CUX1: variants seen among roughly 807,000 people sequenced by gnomAD.
CUX1 encodes the protein protein CASP.
Under a neutral mutation model 158.8 loss-of-function variants are expected in CUX1, and 31 were observed. The ratio of observed to expected loss-of-function variants is 0.20; its 90% CI spans 0.15 to 0.26. CUX1 has a LOEUF of 0.26. CUX1 is among the 10% of genes least tolerant of loss of function. The pLI is 1.00. For synonymous variants in CUX1, 879 were observed against 862.1 expected, an observed-to-expected ratio of 1.02 and a Z score of -0.34; for missense variants, 1,589 against 2,014.6, an observed-to-expected ratio of 0.79 and a Z score of 4.04.
At chr7:102,020,398 A>G (rs1390231722) in intron 2 of CUX1, among the ~76,000 whole-genome samples, 1 of 152,232 alleles carries the variant, frequency 6.6e-6, no homozygotes, top group Non-Finnish European at 1.5e-5. Flanking sequence ...TGAGGTCTAC[A>G]GTCCACATAT....
intron 2 of CUX1, among the ~76,000 whole-genome samples, chr7:102,002,922 G>T (rs1816865344): frequency 6.6e-6 from 1 of 151,450 alleles, no homozygotes; most frequent in Non-Finnish European, 1.5e-5. Flanking sequence ...TATTTTTTTT[G>T]ATGGAGTCTT....
At chr7:102,047,221 C>T (rs116234225) in intron 3 of CUX1, among the ~76,000 whole-genome samples, 5 of 152,136 alleles carry the variant, frequency 3.3e-5, no homozygotes, top group African/African-American at 9.6e-5. Flanking sequence ...CAGTGCTTGG[C>T]GCTCTGTTAA....
chr7:102,237,751 C>T (rs886819907), intron 22 of CUX1, among the ~76,000 whole-genome samples: 1 of 152,154 alleles, frequency 6.6e-6, no homozygotes, highest in East Asian at 1.9e-4. Flanking sequence ...CAGCTGGGCC[C>T]GGGGAACCAC....
intron 3 of CUX1, among the ~76,000 whole-genome samples, chr7:102,040,914 A>G (rs549120109): frequency 6.6e-6 from 1 of 152,200 alleles, no homozygotes; most frequent in Non-Finnish European, 1.5e-5. Flanking sequence ...ACCTCATGAG[A>G]CTCACTGGAG....
At chr7:101,860,735 C>CCCTCCCTTCCTTCCTT (rs1391687312) in intron 1 of CUX1, among the ~76,000 whole-genome samples, 9 of 90,514 alleles carry the variant, frequency 9.9e-5, no homozygotes, top group African/African-American at 3.4e-4. Flanking sequence ...TCCCCTTCCT[C>CCCTCCCTTCCTTCCTT]CCTTCCTTCC....
At chr7:102,052,799 TA>T (rs1355693558) in intron 3 of CUX1, among the ~76,000 whole-genome samples, 8 of 152,164 alleles carry the variant, frequency 5.3e-5, no homozygotes, top group African/African-American at 1.9e-4. Flanking sequence ...ACATCCTTTC[TA>T]ACACTTAGTA....
At position 101,817,797 on chromosome 7, in the gene CUX1, G is replaced by A. The variant is rs892480025; in HGVS notation, c.30+128G>A. 2.8e-6 allele frequency: 3 copies of A among 1,082,588 alleles called. No homozygotes were observed. The Admixed American group carries it at 8.2e-5, about 30-fold the overall frequency. The allele number at this position is 1,082,588 out of a possible 1,614,324, so 67.1% of individuals were successfully genotyped here. A position where few individuals can be genotyped will look rare whatever the true frequency, so the allele number is the denominator to read the frequency against. On this transcript the variant is annotated intron_variant, in intron 1 of 23. Transcript: ENST00000292535. This position sits in a 1 kb window ranked among gnomAD's most constrained non-coding sequence, Gnocchi z 4.1. Reference sequence around the variant, plus strand: ...CCTGGTGCTCTGGGAGGGGATAGGAGGGTTCCTCAGGGCCCCTGGGGAACT... The same window carrying A: ...CCTGGTGCTCTGGGAGGGGATAGGAAGGTTCCTCAGGGCCCCTGGGGAACT...
chr7:102,026,538 G>T (rs4729768), intron 2 of CUX1, among the ~76,000 whole-genome samples: 65,895 of 151,796 alleles, frequency 0.43, 15,875 homozygotes, highest in East Asian at 0.96. Flanking sequence ...CTAAAATGTA[G>T]GCCTAGCCCG....
intron 14 of CUX1, among the ~76,000 whole-genome samples, chr7:102,271,093 C>T (rs1381106559): frequency 6.6e-6 from 1 of 152,148 alleles, no homozygotes; most frequent in East Asian, 1.9e-4. Context: ...TTTATCCACC[C>T]CTCTTGCCAG....
chr7:101,899,945 T>A (rs987972710), intron 1 of CUX1, among the ~76,000 whole-genome samples: 1 of 152,202 alleles, frequency 6.6e-6, no homozygotes, highest in South Asian at 2.1e-4. Flanking sequence ...GTAATTGTGC[T>A]TCTTAATTGT....
rs540806732 is a variant in CUX1, at chr7:102,147,679, C to A, written c.675-10881C>A. ...GGCTGTCTGTCAAGAAGACAGGGGA[C>A]CTCAGGTATCACAGGTGTCATTAAT... On this transcript the variant is annotated intron_variant, in intron 8 of 23. Transcript: ENST00000292535. 3.3e-5 allele frequency among the ~76,000 whole-genome samples: 5 copies of A among 152,260 alleles called. No individual in the cohort carries two copies. In the South Asian group the frequency reaches 1.0e-3, roughly 32 times the overall value.
In CUX1 at chr7:101,905,908, G is replaced by A. The variant is rs576247937; in HGVS notation, c.31-10207G>A. Among the ~76,000 whole-genome samples, 5 of 151,762 alleles carry A rather than the reference G, an allele frequency of 3.3e-5. 1 individual carries two copies. The South Asian group carries it at 6.2e-4, about 19-fold the overall frequency. On this transcript the variant is annotated intron_variant, in intron 1 of 23. Transcript: ENST00000292535. ...TTGCTCTGTCGCCCAGGCTGGGCTC[G>A]AACTTCTGGCCTGAAGTGATCCTCC...
intron 4 of CUX1, among the ~76,000 whole-genome samples, chr7:102,081,063 G>A (rs1554478586): frequency 6.6e-6 from 1 of 152,128 alleles, no homozygotes. Flanking sequence ...AACTCCCCTG[G>A]GAGGTGACTG....
chr7:102,147,804 C>G (rs1835184000), intron 8 of CUX1, among the ~76,000 whole-genome samples: 1 of 151,970 alleles, frequency 6.6e-6, no homozygotes. Context: ...CGAGACCAGC[C>G]TGGCCAACAT....
chr7:101,830,503 A>T (rs1164351709), intron 1 of CUX1, among the ~76,000 whole-genome samples: 1 of 152,148 alleles, frequency 6.6e-6, no homozygotes, highest in Non-Finnish European at 1.5e-5. Context: ...TCTGTTGTGG[A>T]CTGCAGTGGT....
rs1185429655 is a variant in CUX1 at position 102,255,119 on chromosome 7, G to GT, written c.*6078dup. The GT allele has an allele frequency of 2.0e-6, 2 of 985,236 alleles. No homozygotes were observed. The highest frequency in any genetic ancestry group is 6.2e-5 in the Admixed American group (1 of 16,260). 61.0% of individuals were successfully genotyped at this position (985,236 alleles called of 1,614,324 possible). A position where few individuals can be genotyped will look rare whatever the true frequency, so the allele number is the denominator to read the frequency against. On this transcript the variant is annotated 3_prime_UTR_variant, in exon 24 of 24. Coordinates refer to ENST00000292535, the MANE Select transcript of CUX1 (RefSeq NM_181552.4). ...CCAATCCCAGAGGCCCCGGCGGCCT[G>GT]TGCTCCTCACCACCCTGGTCAGGGG...
At chr7:101,880,092 G>T (rs927499119) in intron 1 of CUX1, among the ~76,000 whole-genome samples, 2 of 151,924 alleles carry the variant, frequency 1.3e-5, no homozygotes, top group Non-Finnish European at 2.9e-5. Flanking sequence ...TTTTAAAAAG[G>T]CTGTTTTTTT....
chr7:102,189,397 A>T (rs143993102), intron 11 of CUX1, among the ~76,000 whole-genome samples: 3,174 of 56,980 alleles, frequency 0.056, 37 homozygotes, highest in Middle Eastern at 0.09. Flanking sequence ...TTTTTTTTTA[A>T]AAAAAAAAGA....
chr7:102,180,355 G>C (rs28485359), intron 11 of CUX1, among the ~76,000 whole-genome samples: 72,868 of 142,820 alleles, frequency 0.51, 20,213 homozygotes, highest in African/African-American at 0.73. Flanking sequence ...CTCACTCACT[G>C]GCCCAGACTG....
Sources: gnomAD v4.1 joint callset for allele counts (sites outside exome capture counted in the v4.1 genomes callset) on GRCh38, gnomAD v4.1.1 for gene constraint, Gnocchi (gnomAD v3.1) non-coding constraint, MANE v1.5 for transcripts, NCBI Gene and HGNC (gene_info 2026-07-23, HGNC 2026-07-21) for gene names.